The following GRID2 variants were observed in gnomAD, a reference collection of about 807,000 sequenced individuals.
The protein encoded by GRID2 is glutamate receptor ionotropic, delta-2.
A neutral mutation model predicts 114.8 loss-of-function variants in GRID2; 33 were observed. The observed-to-expected ratio is 0.29, with a 90% confidence interval of 0.22 to 0.38. The LOEUF (loss-of-function observed/expected upper bound fraction) is 0.38. Ranked by LOEUF, GRID2 falls within the 10% of genes least tolerant of loss-of-function variation. The pLI is 1.00. For missense variants in GRID2, 1,184 were observed against 1,257.7 expected, an observed-to-expected ratio of 0.94 and a Z score of 0.89; for synonymous variants, 505 against 449.9, an observed-to-expected ratio of 1.12 and a Z score of -1.55.
At chr4:92,443,461 G>T (rs559912681) in intron 1 of GRID2, among the ~76,000 whole-genome samples, 3 of 151,672 alleles carry the variant, frequency 2.0e-5, no homozygotes, top group East Asian at 3.9e-4. Context: ...AGGAAGCCTA[G>T]AGAAAAGAGA....
intron 2 of GRID2, among the ~76,000 whole-genome samples, chr4:92,917,457 T>A (rs913784671): frequency 2.0e-5 from 3 of 152,184 alleles, no homozygotes; most frequent in East Asian, 1.9e-4. Context: ...CTGAATGGTA[T>A]TGCATAGGTT....
At chr4:92,722,996 C>T (rs1034332973) in intron 2 of GRID2, among the ~76,000 whole-genome samples, 2 of 151,922 alleles carry the variant, frequency 1.3e-5, no homozygotes, top group African/African-American at 2.4e-5. Flanking sequence ...ATGTTTGTTG[C>T]CCCAGTGAGA....
chr4:92,785,736 A>T (rs1011121935), intron 2 of GRID2, among the ~76,000 whole-genome samples: 18 of 151,852 alleles, frequency 1.2e-4, no homozygotes, highest in African/African-American at 4.1e-4. Flanking sequence ...CTCTTAGTGA[A>T]TTTTTTCTGG....
chr4:92,446,105 C>T (rs913822998), intron 1 of GRID2, among the ~76,000 whole-genome samples: 2 of 152,030 alleles, frequency 1.3e-5, no homozygotes, highest in African/African-American at 4.8e-5. Context: ...GTCACCATGC[C>T]CTGTCTAATT....
chr4:92,333,714 C>G (rs956176030), intron 1 of GRID2, among the ~76,000 whole-genome samples: 4 of 152,092 alleles, frequency 2.6e-5, no homozygotes, highest in African/African-American at 4.8e-5. Context: ...GTTTATCCCA[C>G]CAGATACCCT....
At chr4:93,331,826 A>C (rs566327355) in intron 8 of GRID2, among the ~76,000 whole-genome samples, 3 of 152,128 alleles carry the variant, frequency 2.0e-5, no homozygotes, top group Non-Finnish European at 4.4e-5. Context: ...GGGTTCAGTT[A>C]GCAATTAGGT....
At chr4:92,690,602 C>T (rs1178620893) in intron 2 of GRID2, among the ~76,000 whole-genome samples, 1 of 152,164 alleles carries the variant, frequency 6.6e-6, no homozygotes, top group Non-Finnish European at 1.5e-5. Flanking sequence ...GTTGCCACCA[C>T]ATTTAGTTTG....
intron 13 of GRID2, among the ~76,000 whole-genome samples, chr4:93,588,598 C>T (rs1737782016): frequency 6.6e-6 from 1 of 152,124 alleles, no homozygotes. Context: ...CTAATGCTCT[C>T]ATTCTGATTC....
intron 2 of GRID2, among the ~76,000 whole-genome samples, chr4:92,873,961 G>C (rs1745453440): frequency 1.3e-5 from 2 of 152,062 alleles, no homozygotes. Context: ...TGATCCACCT[G>C]CCTCGGCCTC....
chr4:92,942,994 C>T (rs1421844792), intron 2 of GRID2, among the ~76,000 whole-genome samples: 1 of 152,136 alleles, frequency 6.6e-6, no homozygotes, highest in Non-Finnish European at 1.5e-5. Context: ...TCTCTGGCTG[C>T]CCTTAACTTT....
chr4:92,901,761 C>T (rs1747598672), intron 2 of GRID2, among the ~76,000 whole-genome samples: 1 of 151,744 alleles, frequency 6.6e-6, no homozygotes, highest in Admixed American at 6.6e-5. Context: ...CTGTTGGATA[C>T]AGTGTTTTGT....
chr4:93,455,566 G>A (rs956078144), intron 10 of GRID2, 96 bp from the exon 11 acceptor site: 3 of 706,842 alleles, frequency 4.2e-6, no homozygotes, highest in African/African-American at 1.8e-5. Flanking sequence ...TATTGCCTGA[G>A]GCATCTATTT....
At chr4:92,823,613 G>C (rs1464729031) in intron 2 of GRID2, among the ~76,000 whole-genome samples, 2 of 151,996 alleles carry the variant, frequency 1.3e-5, no homozygotes, top group East Asian at 3.9e-4. Flanking sequence ...AAAAGTTCTA[G>C]ATTAAAAATG....
At chr4:93,276,160 T>G (rs571199341) in intron 8 of GRID2, among the ~76,000 whole-genome samples, 1 of 152,116 alleles carries the variant, frequency 6.6e-6, no homozygotes, top group South Asian at 2.1e-4. Flanking sequence ...AAGTTTTTTC[T>G]TTTGCATGAG....
intron 8 of GRID2, among the ~76,000 whole-genome samples, chr4:93,352,936 ATGTAT>A (rs758331173): frequency 2.0e-4 from 31 of 152,010 alleles, no homozygotes; most frequent in South Asian, 4.1e-4. Flanking sequence ...CATAAAAAAG[ATGTAT>A]TGTGGTCAAC....
intron 1 of GRID2, among the ~76,000 whole-genome samples, chr4:92,533,575 A>G (rs1310761160): frequency 1.3e-5 from 2 of 151,846 alleles, no homozygotes; most frequent in African/African-American, 4.8e-5. Context: ...AGTCACTCCT[A>G]CCCCTATGAG....
chr4:92,500,996 G>A (rs1196287793), intron 1 of GRID2, among the ~76,000 whole-genome samples: 1 of 151,852 alleles, frequency 6.6e-6, no homozygotes, highest in African/African-American at 2.4e-5. Flanking sequence ...CTTTCATTAG[G>A]GCCCAGAGTT....
chr4:92,408,016 T>A (rs1033456727), intron 1 of GRID2, among the ~76,000 whole-genome samples: 8 of 152,194 alleles, frequency 5.3e-5, no homozygotes, highest in Admixed American at 3.9e-4. Flanking sequence ...AAAGTCTACG[T>A]AGAAAAGGAT....
At chr4:93,211,867 G>C (rs918332139) in intron 5 of GRID2, among the ~76,000 whole-genome samples, 7 of 152,008 alleles carry the variant, frequency 4.6e-5, no homozygotes, top group Non-Finnish European at 8.8e-5. Context: ...ATTATTGGCT[G>C]GTATATCCAA....
Sources: gnomAD v4.1 joint callset for allele counts (sites outside exome capture counted in the v4.1 genomes callset) on GRCh38, gnomAD v4.1.1 for gene constraint, MANE v1.5 for transcripts, NCBI Gene and HGNC (gene_info 2026-07-23, HGNC 2026-07-21) for gene names.